LMO7: variants seen among roughly 807,000 people sequenced by gnomAD.
LMO7 encodes LIM domain 7.
LMO7 carries 120 observed loss-of-function variants against 206.5 expected under a neutral mutation model. The observed-to-expected ratio is 0.58, with a 90% confidence interval of 0.50 to 0.68. The LOEUF is 0.68. LMO7 is among the 30% of genes least tolerant of loss of function. The pLI is 0.00. For synonymous variants in LMO7, 706 were observed against 681.5 expected (o/e 1.04, Z -0.56); for missense variants, 1,959 against 1,957.9 (o/e 1.00, Z -0.01).
chr13:75,732,599 T>A (rs536490064), intron 3 of LMO7, among the ~76,000 whole-genome samples: 1 of 152,352 alleles, frequency 6.6e-6, no homozygotes, highest in Admixed American at 6.5e-5. Context: ...AGTAGTTTGA[T>A]TGTCTGAAGC....
At chr13:75,740,352 G>A (rs1345011362) in intron 3 of LMO7, among the ~76,000 whole-genome samples, 1 of 152,224 alleles carries the variant, frequency 6.6e-6, no homozygotes, top group East Asian at 1.9e-4. Flanking sequence ...CCTCTGGGAG[G>A]TCAAGGCGGG....
At chr13:75,621,433 G>A (rs1241931576) in exon 1 of LMO7, 1 of 206,964 alleles carries the variant, frequency 4.8e-6, no homozygotes, top group East Asian at 1.1e-4. Context: ...CACTGCTCAT[G>A]AGGAAAACAT....
At chr13:75,816,244 G>A (rs1375770773) in intron 11 of LMO7, among the ~76,000 whole-genome samples, 1 of 152,194 alleles carries the variant, frequency 6.6e-6, no homozygotes, top group Non-Finnish European at 1.5e-5. Flanking sequence ...AGATGCCCAG[G>A]CAAGAGGTGT....
In LMO7 at chr13:75,675,888, G is replaced by GCACACA. The variant is rs3036374; in HGVS notation, c.70-37270_70-37265dup. Among the ~76,000 whole-genome samples, 761 of 150,776 alleles carry GCACACA rather than the reference G, an allele frequency of 5.0e-3. 2 individuals carry two copies. Among genetic ancestry groups the GCACACA allele is most frequent in the East Asian group, 0.015 (74 of 5,046 alleles). On this transcript the variant is annotated intron_variant, in intron 1 of 30. Transcript: ENST00000377534. ...CCTTGTAAAACGCGTGCACGAGCGT[G>GCACACA]CACACACACACACACACACACACAC...
At chr13:75,715,292 A>C (rs996960919) in intron 2 of LMO7, among the ~76,000 whole-genome samples, 9 of 152,224 alleles carry the variant, frequency 5.9e-5, no homozygotes, top group Non-Finnish European at 8.8e-5. Context: ...ATGAAAAACT[A>C]TTGTGAGCAC....
intron 11 of LMO7, among the ~76,000 whole-genome samples, chr13:75,811,771 A>G (rs2056424865): frequency 1.3e-5 from 2 of 152,182 alleles, no homozygotes; most frequent in Non-Finnish European, 2.9e-5. Context: ...GAAACTTGAA[A>G]ATTTGGTCAT....
chr13:75,671,708 TA>T (rs927013565), intron 1 of LMO7, among the ~76,000 whole-genome samples: 1 of 152,126 alleles, frequency 6.6e-6, no homozygotes, highest in African/African-American at 2.4e-5. Flanking sequence ...GAAATTTGTT[TA>T]AAAAAATGAA....
At chr13:75,640,453 A>G (rs1566265297) in intron 1 of LMO7, among the ~76,000 whole-genome samples, 1 of 152,104 alleles carries the variant, frequency 6.6e-6, no homozygotes, top group Non-Finnish European at 1.5e-5. Flanking sequence ...ATTCCTTGTA[A>G]CCTAGTGAAC....
At chr13:75,663,678 C>T (rs2038851680) in intron 1 of LMO7, among the ~76,000 whole-genome samples, 1 of 152,044 alleles carries the variant, frequency 6.6e-6, no homozygotes, top group Admixed American at 6.6e-5. Context: ...GATCCACCCG[C>T]CTCGGCCTCC....
chr13:75,796,744 AC>A lies in LMO7; in HGVS notation c.458del (p.Thr153ArgfsTer10), dbSNP rs2054062135. On this transcript the variant is annotated frameshift_variant, in exon 6 of 31. Coordinates refer to ENST00000377534, the MANE Select transcript of LMO7 (RefSeq NM_001306080.2). LOFTEE classifies it high-confidence loss of function. ...AFENLLGQAL[T>X]KALEDSSFLK... ...TGAGAATCTTTTAGGACAAGCACTG[AC>A]GAAGGTAAGTAAACTACATCTGTGT... 2 of 1,586,644 alleles carry A rather than the reference AC, an allele frequency of 1.3e-6. No individual in the cohort carries two copies. Among genetic ancestry groups the A allele is most frequent in the African/African-American group, 2.7e-5 (2 of 74,452 alleles).
chr13:75,848,930 G>C, intron 26 of LMO7, 149 bp from the exon 27 acceptor site: 1 of 601,078 alleles, frequency 1.7e-6, no homozygotes, highest in South Asian at 2.0e-5. Flanking sequence ...ATTATTTTTT[G>C]AGTTGTTGAT....
At chr13:75,835,426 G>T in intron 18 of LMO7, 87 bp downstream of exon 18, 1 of 794,460 alleles carries the variant, frequency 1.3e-6, no homozygotes, top group Non-Finnish European at 1.9e-6. Flanking sequence ...TCTTTTGTTT[G>T]TACAATTTTG....
At chr13:75,776,182 T>TCGG (rs1248838245) in intron 4 of LMO7, among the ~76,000 whole-genome samples, 4 of 78,372 alleles carry the variant, frequency 5.1e-5, no homozygotes, top group East Asian at 8.2e-4. Context: ...TATATATATA[T>TCGG]ATATATATAT....
intron 4 of LMO7, among the ~76,000 whole-genome samples, chr13:75,793,322 C>G (rs747157589): frequency 1.3e-5 from 2 of 152,186 alleles, no homozygotes; most frequent in Non-Finnish European, 2.9e-5. Flanking sequence ...GTCGCCCAGA[C>G]TGGAATGCAG....
At chr13:75,673,211 A>G (rs996900720) in intron 1 of LMO7, among the ~76,000 whole-genome samples, 8 of 152,072 alleles carry the variant, frequency 5.3e-5, no homozygotes, top group Non-Finnish European at 7.4e-5. Context: ...AGGTGAATTC[A>G]CCTTTTTTTT....
At chr13:75,775,566 A>C (rs987446388) in intron 4 of LMO7, among the ~76,000 whole-genome samples, 1 of 152,136 alleles carries the variant, frequency 6.6e-6, no homozygotes, top group Non-Finnish European at 1.5e-5. Context: ...TTTTCAAACT[A>C]TTTGACACAG....
At chr13:75,810,112 A>G (rs891536159) in intron 11 of LMO7, among the ~76,000 whole-genome samples, 16 of 152,078 alleles carry the variant, frequency 1.1e-4, no homozygotes, top group African/African-American at 3.9e-4. Flanking sequence ...GATTACAGGC[A>G]AAAACTACAT....
intron 3 of LMO7, among the ~76,000 whole-genome samples, chr13:75,750,681 A>G (rs529760412): frequency 6.6e-6 from 1 of 152,094 alleles, no homozygotes; most frequent in South Asian, 2.1e-4. Flanking sequence ...AGAGGCATGA[A>G]CCACCACTGG....
chr13:75,676,617 G>A (rs1309928873), intron 1 of LMO7, among the ~76,000 whole-genome samples: 1 of 152,124 alleles, frequency 6.6e-6, no homozygotes, highest in Non-Finnish European at 1.5e-5. Flanking sequence ...TGAATAAGAC[G>A]TTCATTATTT....
Sources: gnomAD v4.1 joint callset for allele counts (sites outside exome capture counted in the v4.1 genomes callset) on GRCh38, gnomAD v4.1.1 for gene constraint, MANE v1.5 for transcripts, NCBI Gene and HGNC (gene_info 2026-07-23, HGNC 2026-07-21) for gene names.